AMZ2: variants seen among roughly 807,000 people sequenced by gnomAD.
AMZ2 encodes the protein archaemetzincin-2.
A neutral mutation model predicts 36.7 loss-of-function variants in AMZ2; 26 were observed. That is an observed-to-expected ratio of 0.71 (90% CI 0.52 to 0.98). The LOEUF (loss-of-function observed/expected upper bound fraction) is 0.98, where lower values mean the gene tolerates loss of function less well. Ranked by LOEUF, AMZ2 falls within the 50% of genes least tolerant of loss-of-function variation. The probability of loss-of-function intolerance (pLI) is 0.00; values close to 1 mark genes in which losing one functional copy is unlikely to be tolerated. For missense variants in AMZ2, 394 were observed against 430.5 expected (o/e 0.92, Z 0.75); for synonymous variants, 144 against 149.1 (o/e 0.97, Z 0.25).
intron 6 of AMZ2, 95 bp from the exon 7 acceptor site, chr17:68,256,719 T>C (rs566407645): frequency 1.8e-5 from 23 of 1,255,088 alleles, no homozygotes; most frequent in African/African-American, 1.5e-4. Flanking sequence ...CATGGGGTAA[T>C]ATGTCACCCT....
intron 1 of AMZ2, among the ~76,000 whole-genome samples, chr17:68,222,713 T>C (rs567026859): frequency 3.3e-5 from 5 of 152,222 alleles, no homozygotes; most frequent in Admixed American, 3.3e-4. Flanking sequence ...CAGTTCACAA[T>C]AGGGTTTGCA....
intron 1 of AMZ2, among the ~76,000 whole-genome samples, chr17:68,232,109 A>G (rs1455261983): frequency 2.8e-5 from 4 of 142,616 alleles, no homozygotes; most frequent in Non-Finnish European, 4.5e-5. Context: ...CTTGATTACA[A>G]CTGAAGTTTG....
Position 68,250,786 on chromosome 17 carries a change from T to C in AMZ2, c.284-8T>C. On this transcript the variant is annotated splice_polypyrimidine_tract_variant and splice_region_variant and intron_variant, in intron 2 of 6. Transcript: ENST00000359904. ...AAGTCTGTTTTTAAATGTTCTTCCA[T>C]ATTGTAGGCTCTCTAGGAAACACCA... 1 of 1,559,490 alleles carries C rather than the reference T, an allele frequency of 6.4e-7. No homozygotes were observed. The highest frequency in any genetic ancestry group is 1.4e-5 in the African/African-American group (1 of 72,128).
intron 1 of AMZ2, among the ~76,000 whole-genome samples, chr17:68,238,735 TGCTGATAA>T (rs1167336261): frequency 1.9e-4 from 29 of 152,210 alleles, no homozygotes; most frequent in Non-Finnish European, 3.8e-4. Flanking sequence ...GTAGCATGAC[TGCTGATAA>T]GCATCTATTT....
At chr17:68,207,186 G>C (rs186141780) in intron 1 of AMZ2, 14 of 151,860 alleles carry the variant, frequency 9.2e-5, no homozygotes, top group African/African-American at 3.1e-4. Context: ...CGACTTTTTT[G>C]TTTTCACTCT....
At chr17:68,227,847 C>A (rs3972196) in intron 1 of AMZ2, among the ~76,000 whole-genome samples, 19,444 of 152,146 alleles carry the variant, frequency 0.13, 1,532 homozygotes, top group East Asian at 0.29. Flanking sequence ...ACAAAATAAA[C>A]AGAAAAGAAC....
intron 1 of AMZ2, among the ~76,000 whole-genome samples, chr17:68,226,431 C>A (rs1487982078): frequency 6.6e-6 from 1 of 152,214 alleles, no homozygotes; most frequent in Non-Finnish European, 1.5e-5. Flanking sequence ...TCTCCTGCCC[C>A]CCAGCCCCTG....
chr17:68,214,834 A>G lies in AMZ2; in HGVS notation c.-67+8596A>G, dbSNP rs114938931. On this transcript the variant is annotated intron_variant, in intron 1 of 7. Coordinates refer to the AMZ2 transcript ENST00000674770. ...TCTCACTTTGTCACCCAAGCTCTGA[A>G]CTGCAGTGGCGCTATCTTGGCTAAC... is the stretch of plus-strand genomic sequence containing the variant. 2.3e-3 allele frequency among the ~76,000 whole-genome samples: 348 copies of G among 151,788 alleles called. 1 individual carries two copies. The highest frequency in any genetic ancestry group is 8.0e-3 in the African/African-American group (333 of 41,404).
intron 1 of AMZ2, among the ~76,000 whole-genome samples, chr17:68,221,579 T>C (rs1249284147): frequency 6.6e-6 from 1 of 151,854 alleles, no homozygotes; most frequent in Non-Finnish European, 1.5e-5. Flanking sequence ...TACAAAAAAT[T>C]AGCCGGGTGT....
At chr17:68,212,336 C>T (rs1455651095) in intron 1 of AMZ2, among the ~76,000 whole-genome samples, 3 of 152,072 alleles carry the variant, frequency 2.0e-5, no homozygotes, top group Admixed American at 1.3e-4. Context: ...TATACCACTG[C>T]ACTCCAGCCT....
chr17:68,207,806 G>A (rs527556584), intron 1 of AMZ2, among the ~76,000 whole-genome samples: 3 of 152,290 alleles, frequency 2.0e-5, no homozygotes, highest in South Asian at 4.1e-4. Context: ...GCCCCTTTCT[G>A]GGCTGGCCAA....
chr17:68,240,479 TGA>T (rs2073879397), intron 1 of AMZ2, among the ~76,000 whole-genome samples: 2 of 152,162 alleles, frequency 1.3e-5, no homozygotes, highest in Admixed American at 6.5e-5. Context: ...TGGAAAAATG[TGA>T]GAGAGAGGAA....
chr17:68,225,437 C>T (rs1555729644), intron 1 of AMZ2, among the ~76,000 whole-genome samples: 1 of 152,152 alleles, frequency 6.6e-6, no homozygotes, highest in African/African-American at 2.4e-5. Context: ...TTATTAACTC[C>T]ATACCCAACA....
At chr17:68,216,534 A>G (rs2073198847) in intron 1 of AMZ2, among the ~76,000 whole-genome samples, 1 of 152,224 alleles carries the variant, frequency 6.6e-6, no homozygotes, top group Non-Finnish European at 1.5e-5. Context: ...TATGGCTCTT[A>G]GGAGGTAGAA....
intron 1 of AMZ2, among the ~76,000 whole-genome samples, chr17:68,238,817 G>C (rs1291715918): frequency 5.3e-5 from 8 of 152,172 alleles, no homozygotes; most frequent in African/African-American, 1.9e-4. Context: ...AACTAAAGTG[G>C]GAAATCATAA....
upstream of AMZ2, chr17:68,247,035 C>T (rs2074047373): frequency 6.6e-6 from 1 of 151,418 alleles, no homozygotes; most frequent in African/African-American, 2.4e-5. Flanking sequence ...GGGTGAAAAC[C>T]CGTATTAAAA....
At chr17:68,246,195 C>CAAAAAAAAAAA (rs57477453), upstream of AMZ2, among the ~76,000 whole-genome samples, 110 of 83,776 alleles carry the variant, frequency 1.3e-3, 2 homozygotes, top group Middle Eastern at 7.7e-3. Context: ...ACTAAAAATA[C>CAAAAAAAAAAA]AAAAAAAAAA....
In AMZ2 at chr17:68,255,621, T is replaced by G. The variant is rs192694352; in HGVS notation, c.751-79T>G. ...TAAGGGAGTTGATTCCTATGTTTCT[T>G]GGAAAAGCAAGAAAAAGAAGAGACG... On this transcript the variant is annotated intron_variant, in intron 5 of 6. Coordinates refer to ENST00000359904, the MANE Select transcript of AMZ2 (RefSeq NM_016627.5). 2.7e-5 allele frequency: 40 copies of G among 1,464,138 alleles called. No homozygotes were observed. The East Asian group carries it at 9.1e-4, about 33-fold the overall frequency. The allele number at this position is 1,464,138 out of a possible 1,614,324, so 90.7% of individuals were successfully genotyped here.
intron 1 of AMZ2, among the ~76,000 whole-genome samples, chr17:68,223,067 TGAG>T (rs1323198435): frequency 6.6e-6 from 1 of 151,184 alleles, no homozygotes; most frequent in Non-Finnish European, 1.5e-5. Flanking sequence ...AGGAGGAAAT[TGAG>T]GAAGAGAGAG....
Sources: allele counts gnomAD v4.1 joint callset (sites outside exome capture counted in the v4.1 genomes callset), GRCh38; gene constraint gnomAD v4.1.1; transcripts MANE v1.5; gene names NCBI Gene and HGNC (gene_info 2026-07-23, HGNC 2026-07-21).